Variants in ZNF385D observed in about 807,000 individuals in gnomAD.
ZNF385D encodes the protein zinc finger protein 385D, also known as zinc finger protein 659.
A neutral mutation model predicts 35.8 loss-of-function variants in ZNF385D; 15 were observed. The observed-to-expected ratio is 0.42, with a 90% CI of 0.28 to 0.64. The LOEUF (loss-of-function observed/expected upper bound fraction) is 0.64. ZNF385D is among the 30% of genes least tolerant of loss of function. The pLI, the probability that ZNF385D is intolerant of heterozygous loss-of-function variation, is 0.23. For synonymous variants in ZNF385D, 212 were observed against 186.8 expected (o/e 1.13, Z -1.10); for missense variants, 474 against 494.6 (o/e 0.96, Z 0.39).
At chr3:21,515,752 C>T (rs924561354) in intron 3 of ZNF385D, among the ~76,000 whole-genome samples, 3 of 152,180 alleles carry the variant, frequency 2.0e-5, no homozygotes, top group Admixed American at 2.0e-4. Context: ...TTGATCCCCA[C>T]CTTGTTCAGG....
chr3:21,627,469 C>T lies in ZNF385D; in HGVS notation c.165+37417G>A, dbSNP rs77614931. Among the ~76,000 whole-genome samples the T allele has an allele frequency of 1.0e-3, 155 of 151,872 alleles. No individual in the cohort carries two copies. In the East Asian group the frequency reaches 0.017, roughly 17 times the overall value. ...TAAGAGAAGCTGAACGTTCATAAGGCGAAAAAAGATGCTGTGAAAATCAGG... is the reference window on the plus strand; with the variant it reads ...TAAGAGAAGCTGAACGTTCATAAGGTGAAAAAAGATGCTGTGAAAATCAGG... On this transcript the variant is annotated intron_variant, in intron 2 of 7. Transcript: ENST00000281523.
At chr3:21,922,718 A>G (rs1700533397) in intron 3 of ZNF385D, among the ~76,000 whole-genome samples, 1 of 152,218 alleles carries the variant, frequency 6.6e-6, no homozygotes, top group African/African-American at 2.4e-5. Flanking sequence ...CATCCAGGAC[A>G]TCTGCTGTGG....
chr3:21,801,405 T>C (rs1349488530), intron 3 of ZNF385D, among the ~76,000 whole-genome samples: 6 of 152,204 alleles, frequency 3.9e-5, no homozygotes, highest in African/African-American at 1.4e-4. Context: ...GTGTTAATTA[T>C]TCTTTTAAGT....
In ZNF385D at chr3:21,539,428, C is replaced by T. The variant is rs1575130276; in HGVS notation, c.276+25146G>A. On this transcript the variant is annotated intron_variant, in intron 3 of 7. Coordinates refer to ENST00000281523, the MANE Select transcript of ZNF385D (RefSeq NM_024697.3). This position sits in a 1 kb window ranked among gnomAD's most constrained non-coding sequence, Gnocchi z 4.0. The stretch of plus-strand genomic sequence containing the variant: ...TTCAATCAAAAATAGATATATATCA[C>T]TGTCATAGGCAGTTCAACCATAAAA... 6.6e-6 allele frequency among the ~76,000 whole-genome samples: 1 copy of T among 152,164 alleles called. No homozygotes were observed. The highest frequency in any genetic ancestry group is 2.4e-5 in the African/African-American group (1 of 41,456).
At chr3:22,263,578 CAA>C (rs1429357628) in intron 2 of ZNF385D, among the ~76,000 whole-genome samples, 1 of 151,902 alleles carries the variant, frequency 6.6e-6, no homozygotes, top group Non-Finnish European at 1.5e-5. Context: ...CCTACAAGGG[CAA>C]AAGTTTTGTC....
chr3:21,736,773 A>G (rs1289487547), intron 1 of ZNF385D, among the ~76,000 whole-genome samples: 1 of 152,202 alleles, frequency 6.6e-6, no homozygotes, highest in Non-Finnish European at 1.5e-5. Flanking sequence ...GTTCTATCCT[A>G]CAAATCCATG....
chr3:22,344,493 G>T (rs1695565617), intron 2 of ZNF385D, among the ~76,000 whole-genome samples: 1 of 152,136 alleles, frequency 6.6e-6, no homozygotes, highest in African/African-American at 2.4e-5. Flanking sequence ...GGGCTCAAGT[G>T]ATTCTCCTGC....
intron 3 of ZNF385D, among the ~76,000 whole-genome samples, chr3:21,969,467 G>A (rs2125336862): frequency 6.6e-6 from 1 of 152,184 alleles, no homozygotes; most frequent in East Asian, 1.9e-4. Flanking sequence ...CTTCAGCCAT[G>A]CTGAGCTGTG....
intron 3 of ZNF385D, among the ~76,000 whole-genome samples, chr3:22,104,231 C>T (rs1211061242): frequency 6.6e-6 from 1 of 152,064 alleles, no homozygotes; most frequent in Non-Finnish European, 1.5e-5. Context: ...ACCTTCTCTC[C>T]TCCTACATAT....
chr3:22,351,620 TATA>T (rs1695919421), intron 2 of ZNF385D, among the ~76,000 whole-genome samples: 1 of 152,146 alleles, frequency 6.6e-6, no homozygotes, highest in Admixed American at 6.5e-5. Context: ...AATAACTCTG[TATA>T]ATGAGAGTAA....
chr3:22,260,858 T>C (rs557362105), intron 2 of ZNF385D, among the ~76,000 whole-genome samples: 55 of 152,158 alleles, frequency 3.6e-4, no homozygotes, highest in Non-Finnish European at 7.2e-4. Context: ...AGAAACGTGT[T>C]TTTATCACTT....
chr3:21,696,789 C>T (rs1356373522), intron 1 of ZNF385D, among the ~76,000 whole-genome samples: 2 of 152,164 alleles, frequency 1.3e-5, no homozygotes, highest in Non-Finnish European at 2.9e-5. Context: ...CTGAGTCAAC[C>T]TCCCCATAAA....
chr3:21,572,132 C>G (rs11713447), intron 2 of ZNF385D, among the ~76,000 whole-genome samples: 1 of 152,012 alleles, frequency 6.6e-6, no homozygotes, highest in Non-Finnish European at 1.5e-5. Flanking sequence ...CATCCTGACT[C>G]AGCTCATTAA....
intron 2 of ZNF385D, among the ~76,000 whole-genome samples, chr3:21,659,393 C>T (rs2066168066): frequency 6.6e-6 from 1 of 152,062 alleles, no homozygotes; most frequent in African/African-American, 2.4e-5. Context: ...TCCTCAGCAA[C>T]ATTTTTGAGA....
At chr3:22,213,547 A>G (rs964848159) in intron 2 of ZNF385D, among the ~76,000 whole-genome samples, 3 of 152,088 alleles carry the variant, frequency 2.0e-5, no homozygotes, top group African/African-American at 7.2e-5. Context: ...AGCACAGGAT[A>G]AACACTCTAG....
At chr3:21,578,439 C>G (rs939221462) in intron 2 of ZNF385D, among the ~76,000 whole-genome samples, 1 of 152,116 alleles carries the variant, frequency 6.6e-6, no homozygotes, top group African/African-American at 2.4e-5. Flanking sequence ...ATGTTTACTT[C>G]TAATAGAGTT....
intron 2 of ZNF385D, among the ~76,000 whole-genome samples, chr3:22,274,612 A>G (rs1701333645): frequency 6.6e-6 from 1 of 151,984 alleles, no homozygotes; most frequent in Non-Finnish European, 1.5e-5. Flanking sequence ...GCTGTTTAAC[A>G]GTTTGGCTCA....
At chr3:21,837,360 T>C (rs1171713382) in intron 3 of ZNF385D, among the ~76,000 whole-genome samples, 1 of 152,092 alleles carries the variant, frequency 6.6e-6, no homozygotes, top group Non-Finnish European at 1.5e-5. Flanking sequence ...GCCTGTGTTT[T>C]CTCATGTAGC....
At chr3:21,804,883 T>A (rs1265339814) in intron 3 of ZNF385D, among the ~76,000 whole-genome samples, 1 of 152,044 alleles carries the variant, frequency 6.6e-6, no homozygotes, top group Admixed American at 6.5e-5. Flanking sequence ...AGAAAGAACG[T>A]TGCTTGGAAA....
Sources: gnomAD v4.1 joint callset for allele counts (sites outside exome capture counted in the v4.1 genomes callset) on GRCh38, gnomAD v4.1.1 for gene constraint, Gnocchi (gnomAD v3.1) non-coding constraint, MANE v1.5 for transcripts, NCBI Gene and HGNC (gene_info 2026-07-23, HGNC 2026-07-21) for gene names.